AAMDC: variants seen among roughly 807,000 people sequenced by gnomAD.
AAMDC encodes mth938 domain-containing protein.
Under a neutral mutation model 15.5 loss-of-function variants are expected in AAMDC, and 16 were observed. That is an observed-to-expected ratio of 1.03 (90% CI 0.70 to 1.57). AAMDC has a LOEUF of 1.57. Ranked by LOEUF, AAMDC falls within the 40% of genes most tolerant of loss-of-function variation. AAMDC has a pLI of 0.00. For missense variants in AAMDC, 141 were observed against 144.9 expected (o/e 0.97, Z 0.14); for synonymous variants, 51 against 51.6 (o/e 0.99, Z 0.05).
At chr11:77,844,434 C>G (rs554933750) in intron 2 of AAMDC, among the ~76,000 whole-genome samples, 2 of 151,942 alleles carry the variant, frequency 1.3e-5, no homozygotes, top group Non-Finnish European at 2.9e-5. Flanking sequence ...GAGATCATGG[C>G]GCACTGTAGT....
At chr11:77,853,536 C>T (rs892665853) in intron 2 of AAMDC, among the ~76,000 whole-genome samples, 2 of 152,164 alleles carry the variant, frequency 1.3e-5, no homozygotes, top group African/African-American at 4.8e-5. Context: ...CACCAGGCCC[C>T]TTCTCCAACA....
intron 1 of AAMDC, among the ~76,000 whole-genome samples, chr11:77,841,959 T>C (rs1949951161): frequency 6.6e-6 from 1 of 152,220 alleles, no homozygotes. Context: ...TGCCCCAACC[T>C]ACTTGAACTT....
At chr11:77,869,310 TTC>T (rs1449218660) in intron 2 of AAMDC, 24 of 130,500 alleles carry the variant, frequency 1.8e-4, no homozygotes, top group Middle Eastern at 3.3e-3. Context: ...TTATCTCTTT[TTC>T]TTTTTTTTTT....
Position 77,842,542 on chromosome 11 carries a change from G to A in AAMDC, c.46G>A (p.Val16Ile), listed in dbSNP as rs764123042. The A allele has an allele frequency of 1.2e-6, 2 of 1,614,034 alleles. No homozygotes were observed. The highest frequency in any genetic ancestry group is 1.7e-5 in the Admixed American group (1 of 59,994). ...IASLSWGQMK[V>I]KGSNTTYKDC... ...TTCCTTATCATGGGGGCAAATGAAAGTAAAAGGCTCTAATACAACCTATAA... is the reference window on the plus strand; with the variant it reads ...TTCCTTATCATGGGGGCAAATGAAAATAAAAGGCTCTAATACAACCTATAA... The change falls in exon 2 of 4, where the codon GTA becomes ATA. Residue 16 changes from valine (V) to isoleucine (I), a missense_variant. Transcript: ENST00000393427.
intron 2 of AAMDC, among the ~76,000 whole-genome samples, chr11:77,864,972 G>A (rs1951044944): frequency 2.0e-5 from 3 of 152,166 alleles, no homozygotes; most frequent in Non-Finnish European, 2.9e-5. Flanking sequence ...GTGAGACCCT[G>A]TCTCAAAAAC....
chr11:77,883,545 T>C (rs896598897), intron 5 of AAMDC, among the ~76,000 whole-genome samples: 1 of 152,210 alleles, frequency 6.6e-6, no homozygotes, highest in African/African-American at 2.4e-5. Flanking sequence ...AATAATCTCC[T>C]GGTGTCCAGA....
At chr11:77,900,261 G>T (rs1248943380) in intron 5 of AAMDC, among the ~76,000 whole-genome samples, 6 of 151,858 alleles carry the variant, frequency 4.0e-5, no homozygotes, top group South Asian at 2.1e-4. Flanking sequence ...CACCATGCCC[G>T]GCTAATTTTA....
chr11:77,870,598 A>G (rs113853065), intron 3 of AAMDC, among the ~76,000 whole-genome samples: 19,777 of 151,800 alleles, frequency 0.13, 1,459 homozygotes, highest in Admixed American at 0.2. Flanking sequence ...CAGCCTCCCA[A>G]AGTGTTGGGA....
intron 1 of AAMDC, among the ~76,000 whole-genome samples, chr11:77,833,915 G>A (rs992109560): frequency 6.6e-6 from 1 of 152,116 alleles, no homozygotes; most frequent in Non-Finnish European, 1.5e-5. Context: ...AGCACAAAGA[G>A]TTATACATGT....
chr11:77,905,477 A>G (rs866601716), downstream of AAMDC, among the ~76,000 whole-genome samples: 13 of 152,144 alleles, frequency 8.5e-5, 1 homozygote, highest in Middle Eastern at 6.8e-3. Flanking sequence ...AAAAAAGGCA[A>G]TATAGCAAAA....
chr11:77,900,060 T>C (rs1210770102), intron 5 of AAMDC, among the ~76,000 whole-genome samples: 4 of 151,970 alleles, frequency 2.6e-5, no homozygotes, highest in South Asian at 4.2e-4. Flanking sequence ...AACTGGCACA[T>C]AGTAGGGATT....
chr11:77,856,450 T>A (rs1024624658), intron 2 of AAMDC, among the ~76,000 whole-genome samples: 18 of 152,210 alleles, frequency 1.2e-4, no homozygotes, highest in African/African-American at 4.3e-4. Context: ...TGCTTCCACA[T>A]TTTTTAGTAT....
chr11:77,903,715 C>T, downstream of AAMDC: 1 of 866,360 alleles, frequency 1.2e-6, no homozygotes, highest in South Asian at 1.7e-5. Flanking sequence ...TGAAAGTCTC[C>T]CATGAACATG....
chr11:77,825,182 C>T (rs551727521), intron 1 of AAMDC, among the ~76,000 whole-genome samples: 1 of 152,028 alleles, frequency 6.6e-6, no homozygotes, highest in East Asian at 1.9e-4. Flanking sequence ...CGGGGTTTCA[C>T]CATGTTAGCC....
At chr11:77,852,320 A>T (rs1229098529) in intron 2 of AAMDC, among the ~76,000 whole-genome samples, 1 of 151,824 alleles carries the variant, frequency 6.6e-6, no homozygotes, top group African/African-American at 2.4e-5. Context: ...TGTCAATTTG[A>T]CATACGGAAT....
At chr11:77,843,377 G>T (rs1015730573) in intron 2 of AAMDC, among the ~76,000 whole-genome samples, 1 of 152,158 alleles carries the variant, frequency 6.6e-6, no homozygotes, top group Non-Finnish European at 1.5e-5. Context: ...ACTCACCTGG[G>T]ATGTAGCCTC....
downstream of AAMDC, chr11:77,901,212 G>A: frequency 1.6e-6 from 1 of 627,230 alleles, no homozygotes; most frequent in Non-Finnish European, 2.8e-6. Flanking sequence ...TTTTTAGCAA[G>A]GGAGAGACAC....
downstream of AAMDC, chr11:77,876,819 TA>T (rs1951607852): frequency 1.7e-6 from 1 of 599,186 alleles, no homozygotes; most frequent in Non-Finnish European, 3.0e-6. Flanking sequence ...AAATGAGGGC[TA>T]ACTTGGAGGA....
At chr11:77,885,768 G>A (rs550273034) in intron 5 of AAMDC, among the ~76,000 whole-genome samples, 2 of 152,164 alleles carry the variant, frequency 1.3e-5, no homozygotes, top group African/African-American at 4.8e-5. Flanking sequence ...GCAGTGAGCT[G>A]AGATCGCTGC....
Sources: gnomAD v4.1 joint callset for allele counts (sites outside exome capture counted in the v4.1 genomes callset) on GRCh38, gnomAD v4.1.1 for gene constraint, MANE v1.5 for transcripts, NCBI Gene and HGNC (gene_info 2026-07-23, HGNC 2026-07-21) for gene names.